The following RPAP2 variants were observed in gnomAD, a reference collection of about 807,000 sequenced individuals.
RPAP2 encodes the protein RNA polymerase II associated protein 2.
In RPAP2, 52 loss-of-function variants were observed where a neutral mutation model predicts 73.1. That is an observed-to-expected ratio of 0.71 (90% confidence interval 0.57 to 0.90). The LOEUF (loss-of-function observed/expected upper bound fraction) is 0.90. Among genes scored for constraint, RPAP2 ranks in the 40% least tolerant of loss-of-function variants. The pLI, the probability that RPAP2 is intolerant of heterozygous loss-of-function variation, is 0.00. For missense variants in RPAP2, 598 were observed against 701.8 expected (o/e 0.85, Z 1.67); for synonymous variants, 225 against 242.1 (o/e 0.93, Z 0.65).
At chr1:92,335,262 A>G (rs1200281094) in intron 9 of RPAP2, among the ~76,000 whole-genome samples, 1 of 152,234 alleles carries the variant, frequency 6.6e-6, no homozygotes, top group Non-Finnish European at 1.5e-5. Flanking sequence ...AGGGAATGAA[A>G]AATGAAGCAA....
chr1:92,324,335 T>C lies in RPAP2; in HGVS notation c.1415T>C (p.Val472Ala). 1 of 1,613,894 alleles carries C rather than the reference T, an allele frequency of 6.2e-7. No homozygotes were observed. Among genetic ancestry groups the C allele is most frequent in the Non-Finnish European group, 8.5e-7 (1 of 1,179,922 alleles). The stretch of plus-strand genomic sequence containing the variant: ...AGGGAGTTTTACAGAGGACGGTATG[T>C]TTTGGGTGAAGAAACCACCAAATCA... ...RIREFYRGRY[V>A]LGEETTKSQD... The change falls in exon 8 of 13, where the codon GTT becomes GCT. Residue 472 changes from valine (V) to alanine (A), a missense_variant. Val to Ala is a moderately conservative substitution (Grantham distance 64, BLOSUM62 0). This residue lies in a region of RPAP2 where 506 missense variants were observed against 612.8 expected (regional missense o/e 0.83). Coordinates refer to ENST00000610020, the MANE Select transcript of RPAP2 (RefSeq NM_024813.3).
rs1557600664 is a variant in RPAP2, at chr1:92,323,479, A to G, written c.559A>G (p.Lys187Glu). The change falls in exon 8 of 13, where the codon AAA becomes GAA. Residue 187 changes from lysine (K) to glutamate (E), a missense_variant. By Grantham distance (56) the Lys-to-Glu change is moderately conservative (BLOSUM62 1). Around this residue, in one of 3 missense-constraint regions of RPAP2, gnomAD observed 506 missense variants for 612.8 expected, o/e 0.83. Coordinates refer to ENST00000610020, the MANE Select transcript of RPAP2 (RefSeq NM_024813.3). ...HSGEEVQLCS[K>E]AIKTSDIDNP... Reference sequence around the variant, plus strand: ...TGGAGAAGAAGTACAGTTATGCAGTAAAGCCATTAAAACATCAGATATCGA... The same window carrying G: ...TGGAGAAGAAGTACAGTTATGCAGTGAAGCCATTAAAACATCAGATATCGA... 1 of 1,611,622 alleles carries G rather than the reference A, an allele frequency of 6.2e-7. No homozygotes were observed. The highest frequency in any genetic ancestry group is 8.5e-7 in the Non-Finnish European group (1 of 1,178,604).
At chr1:92,367,480 T>C (rs193007966) in intron 11 of RPAP2, among the ~76,000 whole-genome samples, 1 of 152,344 alleles carries the variant, frequency 6.6e-6, no homozygotes, top group Non-Finnish European at 1.5e-5. Context: ...AGAAATAATC[T>C]TCCTACCTTC....
intron 11 of RPAP2, among the ~76,000 whole-genome samples, chr1:92,371,672 G>A (rs1055884346): frequency 6.6e-6 from 1 of 151,806 alleles, no homozygotes; most frequent in Non-Finnish European, 1.5e-5. Context: ...GTTAAGTTAA[G>A]TGAAATAAGC....
intron 11 of RPAP2, among the ~76,000 whole-genome samples, chr1:92,373,013 A>ATT (rs2101427898): frequency 6.6e-6 from 1 of 152,390 alleles, no homozygotes; most frequent in East Asian, 1.9e-4. Context: ...TCAACAAGTA[A>ATT]TTATTGATGA....
chr1:92,301,456 G>A lies in RPAP2; in HGVS notation c.120-20G>A, dbSNP rs1397558267. 7.5e-7 allele frequency: 1 copy of A among 1,341,986 alleles called. No homozygotes were observed. Among genetic ancestry groups the A allele is most frequent in the Admixed American group, 1.9e-5 (1 of 51,926 alleles). 83.1% of individuals were successfully genotyped at this position (1,341,986 alleles called of 1,614,324 possible). Reference sequence around the variant, plus strand: ...GACATGAAGCTTTTAAGTAGATTAAGTTTCTCTTTCAAATTTTAGGAAAGC... The same window carrying A: ...GACATGAAGCTTTTAAGTAGATTAAATTTCTCTTTCAAATTTTAGGAAAGC... On this transcript the variant is annotated intron_variant, in intron 2 of 12. Transcript: ENST00000610020.
chr1:92,370,835 T>TA (rs1292755657), intron 11 of RPAP2, among the ~76,000 whole-genome samples: 6 of 151,704 alleles, frequency 4.0e-5, no homozygotes, highest in East Asian at 1.9e-4. Context: ...CTCATTTACC[T>TA]AAAAAAAATA....
intron 7 of RPAP2, among the ~76,000 whole-genome samples, chr1:92,322,612 C>T (rs1000928582): frequency 6.6e-6 from 1 of 151,396 alleles, no homozygotes; most frequent in Non-Finnish European, 1.5e-5. Flanking sequence ...CGGTGGCTCA[C>T]CCCTGTAATT....
At position 92,390,945 on chromosome 1, in the gene RPAP2, T is replaced by C. The variant is rs1234532961; in HGVS notation, c.*3934T>C. The C allele has an allele frequency of 6.6e-6, 1 of 152,114 alleles. No homozygotes were observed. Among genetic ancestry groups the C allele is most frequent in the African/African-American group, 2.4e-5 (1 of 41,412 alleles). The allele number at this position is 152,114 out of a possible 1,614,324, so 9.4% of individuals were successfully genotyped here. On this transcript the variant is annotated 3_prime_UTR_variant, in exon 13 of 13. Transcript: ENST00000610020. ...CCCACACAATATTAATGGGTGACTT[T>C]AACACCCCACTGTCAATATTAGACA...
At chr1:92,362,744 T>G (rs1278570453) in intron 11 of RPAP2, among the ~76,000 whole-genome samples, 1 of 152,164 alleles carries the variant, frequency 6.6e-6, no homozygotes, top group Non-Finnish European at 1.5e-5. Flanking sequence ...TTCAGTGAGT[T>G]TTGAGGCCCC....
At chr1:92,354,084 G>A (rs1374522546) in intron 11 of RPAP2, among the ~76,000 whole-genome samples, 1 of 152,152 alleles carries the variant, frequency 6.6e-6, no homozygotes, top group Non-Finnish European at 1.5e-5. Context: ...AGCAGCAGCA[G>A]TGGTGGTGAT....
chr1:92,330,744 G>A (rs1054602680), intron 8 of RPAP2, among the ~76,000 whole-genome samples: 11 of 152,192 alleles, frequency 7.2e-5, no homozygotes, highest in African/African-American at 1.9e-4. Flanking sequence ...GAACCACCAC[G>A]CCTGGCCTGT....
rs1451718486 is a variant in RPAP2 at position 92,393,362 on chromosome 1, T to G, written c.*6351T>G. ...GGAACAAAGACTTAAACGTAAGACC[T>G]AGGACCATAAAAATCCTAGAAGAAA... is the stretch of plus-strand genomic sequence containing the variant. On this transcript the variant is annotated 3_prime_UTR_variant, in exon 13 of 13. Transcript: ENST00000610020. The G allele has an allele frequency of 6.6e-6, 1 of 152,132 alleles. No homozygotes were observed. The highest frequency in any genetic ancestry group is 1.5e-5 in the Non-Finnish European group (1 of 68,030). The allele number at this position is 152,132 out of a possible 1,614,324, so 9.4% of individuals were successfully genotyped here. A position where few individuals can be genotyped will look rare whatever the true frequency, so the allele number is the denominator to read the frequency against.
intron 10 of RPAP2, among the ~76,000 whole-genome samples, chr1:92,340,090 C>T (rs1038683282): frequency 1.3e-5 from 2 of 152,042 alleles, no homozygotes; most frequent in Non-Finnish European, 2.9e-5. Context: ...GGAAAATAAG[C>T]CCAAAAAAGT....
intron 8 of RPAP2, among the ~76,000 whole-genome samples, chr1:92,327,948 CAGT>C (rs1274630754): frequency 6.6e-6 from 1 of 152,146 alleles, no homozygotes; most frequent in Non-Finnish European, 1.5e-5. Context: ...TCTTGGCTGA[CAGT>C]TGTTTTGTTT....
At chr1:92,308,330 A>G (rs1324341188) in intron 6 of RPAP2, among the ~76,000 whole-genome samples, 1 of 152,108 alleles carries the variant, frequency 6.6e-6, no homozygotes, top group Non-Finnish European at 1.5e-5. Flanking sequence ...CTTGTTGGGA[A>G]AATAAAAGAC....
chr1:92,389,931 A>C lies in RPAP2; in HGVS notation c.*2920A>C, dbSNP rs890525012. ...AATCTATGTTTGATTGGTGTACCTG[A>C]AAGTGATGGGGAGAACAGAACCAAG... On this transcript the variant is annotated 3_prime_UTR_variant, in exon 13 of 13. Transcript: ENST00000610020. 6 of 152,190 alleles carry C rather than the reference A, an allele frequency of 3.9e-5. No homozygotes were observed. Among genetic ancestry groups the C allele is most frequent in the African/African-American group, 1.4e-4 (6 of 41,456 alleles). 9.4% of individuals were successfully genotyped at this position (152,190 alleles called of 1,614,324 possible).
intron 6 of RPAP2, among the ~76,000 whole-genome samples, chr1:92,312,303 G>T (rs944509878): frequency 6.6e-6 from 1 of 151,954 alleles, no homozygotes; most frequent in African/African-American, 2.4e-5. Context: ...TGTAGTCCTT[G>T]TAGCTACTTG....
intron 11 of RPAP2, among the ~76,000 whole-genome samples, chr1:92,347,724 C>T (rs1267670416): frequency 6.6e-6 from 1 of 152,128 alleles, no homozygotes; most frequent in Non-Finnish European, 1.5e-5. Context: ...ATCCATGTGG[C>T]ACAAAATACT....
Sources: allele counts gnomAD v4.1 joint callset (sites outside exome capture counted in the v4.1 genomes callset), GRCh38; gene constraint gnomAD v4.1.1; regional missense constraint gnomAD v4.1.1; transcripts MANE v1.5; gene names NCBI Gene and HGNC (gene_info 2026-07-23, HGNC 2026-07-21).